PDGFRA: variants seen among roughly 807,000 people sequenced by gnomAD.
The protein encoded by PDGFRA is platelet-derived growth factor receptor alpha.
Under a neutral mutation model 121.5 loss-of-function variants are expected in PDGFRA, and 25 were observed. The ratio of observed to expected loss-of-function variants is 0.21; its 90% confidence interval spans 0.15 to 0.29. The LOEUF (loss-of-function observed/expected upper bound fraction) is 0.29. Ranked by LOEUF, PDGFRA falls within the 10% of genes least tolerant of loss-of-function variation. The pLI, the probability that PDGFRA is intolerant of heterozygous loss-of-function variation, is 1.00. For missense variants in PDGFRA, 1,008 were observed against 1,345.1 expected, an observed-to-expected ratio of 0.75 and a Z score of 3.92; for synonymous variants, 463 against 494.8, an observed-to-expected ratio of 0.94 and a Z score of 0.85.
intron 1 of PDGFRA, among the ~76,000 whole-genome samples, chr4:54,244,917 G>A (rs1174517619): frequency 6.6e-6 from 1 of 152,194 alleles, no homozygotes; most frequent in African/African-American, 2.4e-5. Flanking sequence ...ACTACATGAA[G>A]AATGCAGAAG....
At chr4:54,229,751 G>A (rs1720554144) in intron 1 of PDGFRA, 1 of 159,318 alleles carries the variant, frequency 6.3e-6, no homozygotes, top group Non-Finnish European at 1.4e-5. Flanking sequence ...TGGGAGTGGG[G>A]GTGGTGTTCG....
intron 1 of PDGFRA, among the ~76,000 whole-genome samples, chr4:54,239,081 T>A (rs1242296801): frequency 1.3e-5 from 2 of 152,176 alleles, no homozygotes; most frequent in African/African-American, 2.4e-5. Flanking sequence ...CCTCTGGTCA[T>A]CCCTACTGCT....
chr4:54,264,136 T>C, intron 4 of PDGFRA: 1 of 592,184 alleles, frequency 1.7e-6, no homozygotes, highest in Non-Finnish European at 3.0e-6. Context: ...CCATGCAAGA[T>C]TTCATGTTTC....
At chr4:54,288,568 T>C (rs917016894) in intron 19 of PDGFRA, among the ~76,000 whole-genome samples, 4 of 152,170 alleles carry the variant, frequency 2.6e-5, no homozygotes, top group Admixed American at 2.0e-4. Flanking sequence ...TCTAAAGATG[T>C]AGAATTTTTG....
intron 1 of PDGFRA, among the ~76,000 whole-genome samples, chr4:54,245,224 A>C (rs1033992539): frequency 2.0e-5 from 3 of 152,166 alleles, no homozygotes; most frequent in African/African-American, 7.2e-5. Context: ...AGAACGCCAC[A>C]AAGATACTCC....
intron 1 of PDGFRA, among the ~76,000 whole-genome samples, chr4:54,243,967 C>T (rs534824603): frequency 2.0e-5 from 3 of 152,348 alleles, no homozygotes; most frequent in East Asian, 3.9e-4. Flanking sequence ...TGATTGCTAG[C>T]ACAGCAGCCT....
At chr4:54,246,947 G>T (rs1721712972) in intron 1 of PDGFRA, among the ~76,000 whole-genome samples, 1 of 152,122 alleles carries the variant, frequency 6.6e-6, no homozygotes, top group African/African-American at 2.4e-5. Flanking sequence ...ACACCTCTAT[G>T]CAAATAAACT....
chr4:54,233,929 A>G (rs992570070), intron 1 of PDGFRA, among the ~76,000 whole-genome samples: 1 of 152,132 alleles, frequency 6.6e-6, no homozygotes, highest in African/African-American at 2.4e-5. Flanking sequence ...AGGCTGGTTT[A>G]TGGGGGCGGC....
Position 54,241,471 on chromosome 4 carries a change from G to T in PDGFRA, c.-13+12056G>T, listed in dbSNP as rs572421693. The stretch of plus-strand genomic sequence containing the variant: ...AAGTCACGATAAAGTTTATACAAGA[G>T]AATTTATTAAAATTTAGATGTAATT... On this transcript the variant is annotated intron_variant, in intron 1 of 22. Coordinates refer to ENST00000257290, the MANE Select transcript of PDGFRA (RefSeq NM_006206.6). 9.1e-4 allele frequency among the ~76,000 whole-genome samples: 138 copies of T among 151,938 alleles called. 1 individual carries two copies. The highest frequency in any genetic ancestry group is 2.9e-3 in the African/African-American group (122 of 41,430).
chr4:54,274,732 A>G (rs776958618), intron 11 of PDGFRA, 107 bp downstream of exon 11: 2 of 1,446,976 alleles, frequency 1.4e-6, no homozygotes, highest in Non-Finnish European at 1.9e-6. Flanking sequence ...TTACATGTGG[A>G]GTGAACGTTG....
chr4:54,286,683 C>A (rs190500832), intron 18 of PDGFRA, among the ~76,000 whole-genome samples: 3 of 152,218 alleles, frequency 2.0e-5, no homozygotes, highest in African/African-American at 7.2e-5. Context: ...ATGTCAATTG[C>A]GTGTATGCAT....
At chr4:54,294,528 G>A (rs1354730476) in intron 22 of PDGFRA, among the ~76,000 whole-genome samples, 1 of 152,134 alleles carries the variant, frequency 6.6e-6, no homozygotes, top group Non-Finnish European at 1.5e-5. Flanking sequence ...CACACAGCTA[G>A]TAAGTGGGGG....
chr4:54,246,813 C>T (rs998719375), intron 1 of PDGFRA, among the ~76,000 whole-genome samples: 3 of 151,284 alleles, frequency 2.0e-5, no homozygotes, highest in African/African-American at 4.9e-5. Flanking sequence ...AATTGATAGA[C>T]TGCTAGCAAG....
At chr4:54,250,341 A>T (rs1243365883) in intron 1 of PDGFRA, among the ~76,000 whole-genome samples, 1 of 152,186 alleles carries the variant, frequency 6.6e-6, no homozygotes, top group Non-Finnish European at 1.5e-5. Context: ...TTCTAATGTA[A>T]GTCTTTTTCT....
intron 21 of PDGFRA, 98 bp downstream of exon 21, chr4:54,289,212 A>G: frequency 2.6e-6 from 2 of 764,750 alleles, no homozygotes; most frequent in South Asian, 2.9e-5. Flanking sequence ...TTTTCAAAAG[A>G]GGCAAAAGAC....
intron 10 of PDGFRA, among the ~76,000 whole-genome samples, chr4:54,274,261 A>G (rs778844769): frequency 6.6e-6 from 1 of 152,218 alleles, no homozygotes; most frequent in Non-Finnish European, 1.5e-5. Context: ...TCTGTCCACA[A>G]GGTTACTGTT....
At chr4:54,283,320 CT>C (rs1045917394) in intron 16 of PDGFRA, among the ~76,000 whole-genome samples, 8 of 152,324 alleles carry the variant, frequency 5.3e-5, no homozygotes, top group African/African-American at 1.9e-4. Context: ...GCTCCCAAGC[CT>C]CAACTCTTAA....
At chr4:54,242,902 T>A (rs1050885752) in intron 1 of PDGFRA, among the ~76,000 whole-genome samples, 1 of 152,164 alleles carries the variant, frequency 6.6e-6, no homozygotes, top group South Asian at 2.1e-4. Context: ...TTACGTCACA[T>A]TACCTGACCT....
intron 16 of PDGFRA, chr4:54,281,716 T>C: frequency 7.4e-7 from 1 of 1,354,526 alleles, no homozygotes; most frequent in Non-Finnish European, 9.7e-7. Context: ...CTAGAGCTAC[T>C]CTTCACTTGC....
Sources: gnomAD v4.1 joint callset for allele counts (sites outside exome capture counted in the v4.1 genomes callset) on GRCh38, gnomAD v4.1.1 for gene constraint, MANE v1.5 for transcripts, NCBI Gene and HGNC (gene_info 2026-07-23, HGNC 2026-07-21) for gene names.